Variants in IP6K1 observed in about 807,000 individuals in gnomAD.
IP6K1 encodes the protein ATP:1D-myo-inositol-hexakisphosphate phosphotransferase.
A neutral mutation model predicts 38.3 loss-of-function variants in IP6K1; 13 were observed. That is an observed-to-expected ratio of 0.34 (90% confidence interval 0.22 to 0.54). The LOEUF (loss-of-function observed/expected upper bound fraction) is 0.54. IP6K1 is among the 20% of genes least tolerant of loss of function. The pLI is 0.92. For synonymous variants in IP6K1, 212 were observed against 229.9 expected (o/e 0.92, Z 0.70); for missense variants, 397 against 599.8 (o/e 0.66, Z 3.53).
At chr3:49,734,441 C>G (rs891445079) in intron 3 of IP6K1, among the ~76,000 whole-genome samples, 3 of 142,894 alleles carry the variant, frequency 2.1e-5, no homozygotes, top group Non-Finnish European at 4.5e-5. Context: ...CGCTCTGTCG[C>G]CCAGCAACTT....
Position 49,732,952 on chromosome 3 carries a change from G to A in IP6K1, c.455C>T (p.Pro152Leu), listed in dbSNP as rs762066614. The change falls in exon 4 of 6, where the codon CCG (proline) becomes CTG (leucine). Residue 152 changes from proline to leucine, a missense_variant. Pro to Leu is a moderately conservative substitution (Grantham distance 98). Coordinates refer to ENST00000321599, the MANE Select transcript of IP6K1 (RefSeq NM_153273.4). ...TSESSQEAKS[P>L]KVELHSHSEV... ...TGAGTGGCTGTGCAGCTCCACCTTC[G>A]GACTCTTTGCCTCCTGTGAGCTAAG... The A allele has an allele frequency of 3.7e-6, 6 of 1,613,226 alleles. No individual in the cohort carries two copies. Among genetic ancestry groups the A allele is most frequent in the Non-Finnish European group, 5.1e-6 (6 of 1,179,452 alleles).
chr3:49,770,022 TG>T (rs2080943928), intron 1 of IP6K1, among the ~76,000 whole-genome samples: 1 of 151,994 alleles, frequency 6.6e-6, no homozygotes, highest in Non-Finnish European at 1.5e-5. Flanking sequence ...AAAACCAGCC[TG>T]GGCAACATCT....
intron 3 of IP6K1, 68 bp from the exon 4 acceptor site, chr3:49,733,040 AG>A (rs1252676735): frequency 1.6e-6 from 2 of 1,247,574 alleles, no homozygotes; most frequent in Non-Finnish European, 2.3e-6. Flanking sequence ...CCCGCTGCAC[AG>A]GGCACAGATC....
In IP6K1 at chr3:49,731,187, A is replaced by G. The variant is rs914694000; in HGVS notation, c.616+1604T>C. Among the ~76,000 whole-genome samples, 10 of 152,172 alleles carry G rather than the reference A, an allele frequency of 6.6e-5. No homozygotes were observed. The East Asian group carries it at 1.7e-3, about 26-fold the overall frequency. On this transcript the variant is annotated intron_variant, in intron 4 of 5. Transcript: ENST00000321599. ...GGTCCTAACTCCCTGGCATTTACAT[A>G]CATGTCTTCATTCCAATATATCCTA...
In IP6K1 at chr3:49,777,072, T is replaced by TA. The variant is rs1026664304; in HGVS notation, c.-129+9281dup. Among the ~76,000 whole-genome samples the TA allele has an allele frequency of 3.3e-5, 5 of 151,970 alleles. No individual in the cohort carries two copies. The South Asian group carries it at 8.3e-4, about 25-fold the overall frequency. The stretch of plus-strand genomic sequence containing the variant: ...CAACATGGCAAAACCCCATCTCTAC[T>TA]AAAAAAATCAAGAATCAGTCCATTG... On this transcript the variant is annotated intron_variant, in intron 1 of 5. Coordinates refer to ENST00000321599, the MANE Select transcript of IP6K1 (RefSeq NM_153273.4).
chr3:49,776,579 A>G (rs2081010586), intron 1 of IP6K1, among the ~76,000 whole-genome samples: 1 of 151,994 alleles, frequency 6.6e-6, no homozygotes, highest in African/African-American at 2.4e-5. Context: ...AGAAAAGGAC[A>G]CTTATTTACA....
intron 1 of IP6K1, among the ~76,000 whole-genome samples, chr3:49,758,023 C>T (rs2080839235): frequency 6.6e-6 from 1 of 152,072 alleles, no homozygotes; most frequent in South Asian, 2.1e-4. Flanking sequence ...AAAATGGTTA[C>T]TAGTGGCCAG....
intron 2 of IP6K1, among the ~76,000 whole-genome samples, chr3:49,743,618 T>TTG (rs771883365): frequency 2.3e-4 from 29 of 128,138 alleles, no homozygotes; most frequent in Middle Eastern, 3.9e-3. Context: ...TTTTTTTTTT[T>TTG]GTTTTTTTTT....
At chr3:49,765,673 G>A (rs1273080328) in intron 1 of IP6K1, among the ~76,000 whole-genome samples, 1 of 148,336 alleles carries the variant, frequency 6.7e-6, no homozygotes, top group Non-Finnish European at 1.5e-5. Context: ...AAGGGCCGCT[G>A]TCACTGTACC....
At chr3:49,783,522 C>A (rs1355509080) in intron 1 of IP6K1, among the ~76,000 whole-genome samples, 1 of 151,914 alleles carries the variant, frequency 6.6e-6, no homozygotes, top group Non-Finnish European at 1.5e-5. Flanking sequence ...ACCATCCTGG[C>A]TAACACGGTG....
Position 49,732,908 on chromosome 3 carries a change from G to A in IP6K1, c.499C>T (p.Leu167=). 1 of 1,614,074 alleles carries A rather than the reference G, an allele frequency of 6.2e-7. No individual in the cohort carries two copies. Among genetic ancestry groups the A allele is most frequent in the East Asian group, 2.2e-5 (1 of 44,884 alleles). The part of the protein sequence containing the change: ...HSHSEVPFQM[L]DGNSGLSSEK... ...GAACTCAAGCCACTGTTGCCATCTA[G>A]CATCTGGAAAGGGACCTCTGAGTGG... The change falls in exon 4 of 6, where the codon CTA becomes TTA. Residue 167 remains leucine, a synonymous_variant. Coordinates refer to ENST00000321599, the MANE Select transcript of IP6K1 (RefSeq NM_153273.4).
At chr3:49,775,596 C>G (rs1232009845) in intron 1 of IP6K1, 2 of 944,016 alleles carry the variant, frequency 2.1e-6, no homozygotes, top group Non-Finnish European at 3.1e-6. Context: ...CAAAAAAATG[C>G]AGCTTCAAGA....
chr3:49,754,614 T>G (rs1434560501), intron 1 of IP6K1, among the ~76,000 whole-genome samples: 1 of 152,128 alleles, frequency 6.6e-6, no homozygotes, highest in Non-Finnish European at 1.5e-5. Flanking sequence ...TTGTGTGTGT[T>G]TATTTTAATG....
chr3:49,753,607 ATATATG>A (rs1276839794), intron 1 of IP6K1, among the ~76,000 whole-genome samples: 1 of 152,224 alleles, frequency 6.6e-6, no homozygotes, highest in Admixed American at 6.5e-5. Context: ...GGCTGAATAA[ATATATG>A]TATGTTTATG....
intron 2 of IP6K1, among the ~76,000 whole-genome samples, chr3:49,746,092 A>G (rs1399609131): frequency 6.6e-6 from 1 of 152,132 alleles, no homozygotes; most frequent in African/African-American, 2.4e-5. Context: ...GGACCCTTGT[A>G]CATTGCTGGT....
intron 1 of IP6K1, among the ~76,000 whole-genome samples, chr3:49,780,911 T>A (rs1383339160): frequency 6.6e-6 from 1 of 152,154 alleles, no homozygotes; most frequent in Non-Finnish European, 1.5e-5. Flanking sequence ...CCTGTTTAAT[T>A]ACAAAAGGTG....
chr3:49,761,595 C>A (rs1214883843), intron 1 of IP6K1, among the ~76,000 whole-genome samples: 2 of 138,106 alleles, frequency 1.4e-5, no homozygotes, highest in African/African-American at 2.8e-5. Flanking sequence ...GCCTGGGCAA[C>A]AGCGCGAGAC....
In IP6K1 at chr3:49,727,181, C is replaced by T. The variant is rs374021494; in HGVS notation, c.1267G>A (p.Val423Met). The T allele has an allele frequency of 1.5e-4, 236 of 1,614,012 alleles. 1 individual carries two copies. The highest frequency in any genetic ancestry group is 1.3e-3 in the South Asian group (116 of 91,090). The change falls in exon 6 of 6, where the codon GTG becomes ATG. Residue 423 changes from valine (V) to methionine (M), a missense_variant. Coordinates refer to ENST00000321599, the MANE Select transcript of IP6K1 (RefSeq NM_153273.4). The surrounding 1 kb of genome is among the most constrained non-coding windows in gnomAD (Gnocchi z 5.9). ...TVHDGPDRGY[V>M]FGLENLISIM... Reference sequence around the variant, plus strand: ...CTGATGAGGTTCTCCAGGCCAAACACGTAGCCTCTGTCTGGCCCATCATGC... The same window carrying T: ...CTGATGAGGTTCTCCAGGCCAAACATGTAGCCTCTGTCTGGCCCATCATGC...
rs1367757869 is a variant in IP6K1 at position 49,727,332 on chromosome 3, A to G, written c.1116T>C (p.Cys372=). 1.1e-5 allele frequency: 18 copies of G among 1,613,972 alleles called. No individual in the cohort carries two copies. Among genetic ancestry groups the G allele is most frequent in the African/African-American group, 4.0e-5 (3 of 74,926 alleles). ...TGTTGCTGGGGCTGGTGCTGGGGCC[A>G]CAGGATGACGCCACCTCAGGGAGCA... The part of the protein sequence containing the change: ...DMVLPEVASS[C]GPSTSPSNTS... The change falls in exon 6 of 6, where the codon TGT becomes TGC. Residue 372 remains cysteine, a synonymous_variant. Coordinates refer to ENST00000321599, the MANE Select transcript of IP6K1 (RefSeq NM_153273.4). The surrounding 1 kb of genome is among the most constrained non-coding windows in gnomAD (Gnocchi z 5.9).
Sources: allele counts gnomAD v4.1 joint callset (sites outside exome capture counted in the v4.1 genomes callset), GRCh38; gene constraint gnomAD v4.1.1; non-coding constraint Gnocchi (gnomAD v3.1); transcripts MANE v1.5; gene names NCBI Gene and HGNC (gene_info 2026-07-23, HGNC 2026-07-21).